Variants in KIAA1217 observed in about 807,000 individuals in gnomAD.
KIAA1217 encodes KIAA1217.
In KIAA1217, 88 loss-of-function variants were observed where a neutral mutation model predicts 163.9. The ratio of observed to expected loss-of-function variants is 0.54; its 90% CI spans 0.45 to 0.64. KIAA1217 has a LOEUF of 0.64. Ranked by LOEUF, KIAA1217 falls within the 30% of genes least tolerant of loss-of-function variation. The pLI is 0.00. For synonymous variants in KIAA1217, 903 were observed against 923.1 expected, an observed-to-expected ratio of 0.98 and a Z score of 0.39; for missense variants, 2,372 against 2,475.0, an observed-to-expected ratio of 0.96 and a Z score of 0.88.
intron 3 of KIAA1217, among the ~76,000 whole-genome samples, chr10:24,401,680 T>C (rs1355709901): frequency 6.6e-6 from 1 of 152,196 alleles, no homozygotes; most frequent in African/African-American, 2.4e-5. Context: ...CAGGAGTGTC[T>C]GATCTTACCA....
chr10:24,166,567 A>G (rs2065354455), intron 2 of KIAA1217, among the ~76,000 whole-genome samples: 2 of 152,052 alleles, frequency 1.3e-5, no homozygotes, highest in Admixed American at 6.6e-5. Flanking sequence ...GTGAAACCCC[A>G]TCTCTACTAA....
chr10:24,420,208 T>A (rs2058620437), intron 3 of KIAA1217, among the ~76,000 whole-genome samples: 1 of 152,216 alleles, frequency 6.6e-6, no homozygotes, highest in Non-Finnish European at 1.5e-5. Flanking sequence ...TCACCAGTAC[T>A]TGAGGCTGTT....
At chr10:23,880,684 C>A (rs1840910549) in intron 1 of KIAA1217, among the ~76,000 whole-genome samples, 2 of 151,932 alleles carry the variant, frequency 1.3e-5, no homozygotes, top group Admixed American at 1.3e-4. Context: ...TTATGCGTGG[C>A]ATGCTTGTAT....
chr10:24,143,005 G>A lies in KIAA1217; in HGVS notation c.-170-76621G>A, dbSNP rs182857734. On this transcript the variant is annotated intron_variant, in intron 2 of 18. Transcript: ENST00000376462. ...GTATACCCTTAAAAAGCAGAAGGGC[G>A]GAGAGGACAAATAGCAGTGAGCAAT... Among the ~76,000 whole-genome samples the A allele has an allele frequency of 2.8e-4, 42 of 152,294 alleles. No homozygotes were observed. In the East Asian group the frequency reaches 4.2e-3, roughly 15 times the overall value.
At chr10:24,046,431 A>G (rs371816471) in intron 2 of KIAA1217, among the ~76,000 whole-genome samples, 2 of 152,238 alleles carry the variant, frequency 1.3e-5, no homozygotes, top group African/African-American at 4.8e-5. Flanking sequence ...GCTGTAAAGA[A>G]CTACCTGAGA....
At chr10:24,471,259 A>G (rs2063484373) in intron 5 of KIAA1217, among the ~76,000 whole-genome samples, 1 of 151,946 alleles carries the variant, frequency 6.6e-6, no homozygotes, top group African/African-American at 2.4e-5. Flanking sequence ...TCCCTCCCTC[A>G]TCCACCCTCC....
intron 2 of KIAA1217, among the ~76,000 whole-genome samples, chr10:24,376,128 A>C (rs1166543959): frequency 2.6e-5 from 4 of 152,242 alleles, no homozygotes; most frequent in Admixed American, 2.0e-4. Context: ...ACCGTCTTTT[A>C]AAAATTAATG....
At chr10:23,763,404 C>T (rs1017337351) in intron 1 of KIAA1217, among the ~76,000 whole-genome samples, 1 of 152,072 alleles carries the variant, frequency 6.6e-6, no homozygotes, top group Non-Finnish European at 1.5e-5. Context: ...GGTACTGGTA[C>T]CAAGACAGGC....
chr10:24,275,343 G>C (rs1273360557), intron 2 of KIAA1217, among the ~76,000 whole-genome samples: 2 of 152,070 alleles, frequency 1.3e-5, no homozygotes, highest in African/African-American at 4.8e-5. Flanking sequence ...TGCACACACA[G>C]ACACAAAAAG....
intron 2 of KIAA1217, among the ~76,000 whole-genome samples, chr10:24,370,158 G>A (rs1265883992): frequency 2.0e-5 from 3 of 151,574 alleles, no homozygotes; most frequent in Non-Finnish European, 2.9e-5. Context: ...CCAGCTACTC[G>A]GGAGGCTGAG....
intron 1 of KIAA1217, among the ~76,000 whole-genome samples, chr10:23,700,671 C>T (rs2130701618): frequency 6.6e-6 from 1 of 152,298 alleles, no homozygotes; most frequent in Middle Eastern, 3.4e-3. Flanking sequence ...TAACTTTGAA[C>T]TTATCTTTGA....
chr10:24,068,972 A>G (rs2061079052), intron 2 of KIAA1217, among the ~76,000 whole-genome samples: 1 of 152,212 alleles, frequency 6.6e-6, no homozygotes, highest in African/African-American at 2.4e-5. Flanking sequence ...GCATTCTGAG[A>G]CAAATGAGAC....
At chr10:24,416,431 T>A (rs1191187517) in intron 3 of KIAA1217, among the ~76,000 whole-genome samples, 8 of 152,226 alleles carry the variant, frequency 5.3e-5, no homozygotes, top group African/African-American at 1.9e-4. Context: ...AAGGTTCTGT[T>A]CCTGGCTTTG....
chr10:23,885,982 C>A (rs144153091), intron 1 of KIAA1217, among the ~76,000 whole-genome samples: 57 of 152,008 alleles, frequency 3.7e-4, no homozygotes, highest in African/African-American at 1.3e-3. Context: ...GAAAGAGTTA[C>A]TTCCCATCAT....
chr10:24,160,729 C>T (rs1448257104), intron 2 of KIAA1217, among the ~76,000 whole-genome samples: 3 of 152,098 alleles, frequency 2.0e-5, no homozygotes, highest in Admixed American at 2.0e-4. Flanking sequence ...CTGTGCTGTC[C>T]TCTTTTGCAA....
At chr10:23,753,656 T>C (rs1833770506) in intron 1 of KIAA1217, among the ~76,000 whole-genome samples, 1 of 152,222 alleles carries the variant, frequency 6.6e-6, no homozygotes, top group African/African-American at 2.4e-5. Flanking sequence ...TTCTATTGAA[T>C]GCTGGAGTAC....
chr10:24,185,963 T>TAA (rs34129161), intron 2 of KIAA1217, among the ~76,000 whole-genome samples: 1 of 144,848 alleles, frequency 6.9e-6, no homozygotes, highest in Middle Eastern at 3.3e-3. Flanking sequence ...GGCTCTGTAT[T>TAA]AAAAAAAAAA....
upstream of KIAA1217, among the ~76,000 whole-genome samples, chr10:24,207,248 G>GCTA (rs1278061543): frequency 1.1e-4 from 17 of 147,830 alleles, no homozygotes; most frequent in African/African-American, 2.9e-4. Context: ...TTGGGCTGCT[G>GCTA]CATCTCCTGC....
At chr10:23,987,539 G>GA (rs1487978979) in intron 1 of KIAA1217, among the ~76,000 whole-genome samples, 1 of 151,240 alleles carries the variant, frequency 6.6e-6, no homozygotes, top group African/African-American at 2.4e-5. Flanking sequence ...AACTTGTTTT[G>GA]AAAAAAGTAT....
Sources: allele counts gnomAD v4.1 joint callset (sites outside exome capture counted in the v4.1 genomes callset), GRCh38; gene constraint gnomAD v4.1.1; transcripts MANE v1.5; gene names NCBI Gene and HGNC (gene_info 2026-07-23, HGNC 2026-07-21).